The following PYY variants were observed in gnomAD, a reference collection of about 807,000 sequenced individuals.
The protein encoded by PYY is peptide tyrosine tyrosine.
In PYY, 12 loss-of-function variants were observed where a neutral mutation model predicts 10.3. The observed-to-expected ratio is 1.17, with a 90% CI of 0.75 to 1.89. The LOEUF (loss-of-function observed/expected upper bound fraction) is 1.89. Among genes scored for constraint, PYY ranks in the 40% most tolerant of loss-of-function variants. The pLI, the probability that PYY is intolerant of heterozygous loss-of-function variation, is 0.00. For synonymous variants in PYY, 66 were observed against 62.0 expected (o/e 1.06, Z -0.30); for missense variants, 141 against 134.0 (o/e 1.05, Z -0.26).
upstream of PYY, among the ~76,000 whole-genome samples, chr17:43,957,630 C>A (rs2048682921): frequency 6.6e-6 from 1 of 152,198 alleles, no homozygotes; most frequent in African/African-American, 2.4e-5. Flanking sequence ...GCACTCCAGC[C>A]TTGGTGACAG....
At chr17:43,999,871 G>T (rs2049014717) in intron 1 of PYY, among the ~76,000 whole-genome samples, 1 of 152,112 alleles carries the variant, frequency 6.6e-6, no homozygotes, top group Non-Finnish European at 1.5e-5. Context: ...AGACTTCCTG[G>T]AGCAATGCTC....
In PYY at chr17:43,969,804, C is replaced by T. The variant is rs920890977; in HGVS notation, c.-462-3272G>A. Among the ~76,000 whole-genome samples, 136 of 150,716 alleles carry T rather than the reference C, an allele frequency of 9.0e-4. 1 individual carries two copies. The highest frequency in any genetic ancestry group is 3.1e-3 in the African/African-American group (129 of 41,026). The stretch of plus-strand genomic sequence containing the variant: ...TGTCACCCAGACTGGAGTGCAGTGG[C>T]GCCATCTCAGCTCACTGCAACCTCT... On this transcript the variant is annotated intron_variant, in intron 1 of 6. Coordinates refer to the PYY transcript ENST00000360085.
At chr17:43,975,169 CG>C (rs757008674) in intron 1 of PYY, among the ~76,000 whole-genome samples, 2 of 152,144 alleles carry the variant, frequency 1.3e-5, no homozygotes, top group Non-Finnish European at 2.9e-5. Context: ...ATTCCATCAA[CG>C]GGGAAAATCA....
At chr17:43,992,346 C>T (rs1161498762) in intron 1 of PYY, among the ~76,000 whole-genome samples, 2 of 151,792 alleles carry the variant, frequency 1.3e-5, no homozygotes, top group Non-Finnish European at 2.9e-5. Flanking sequence ...TTTGGGAGGC[C>T]GAGGCAGATG....
intron 1 of PYY, among the ~76,000 whole-genome samples, chr17:43,991,568 T>C (rs1009968818): frequency 4.6e-5 from 7 of 152,196 alleles, no homozygotes; most frequent in African/African-American, 1.4e-4. Flanking sequence ...TCCTTTTGCT[T>C]CTCCATGCTT....
chr17:43,989,331 G>GCA (rs2048937462), intron 1 of PYY, among the ~76,000 whole-genome samples: 3 of 149,832 alleles, frequency 2.0e-5, no homozygotes, highest in Non-Finnish European at 4.4e-5. Flanking sequence ...CTGAGATCAT[G>GCA]CCACTGCACT....
chr17:43,988,531 C>T (rs2048929615), intron 1 of PYY, among the ~76,000 whole-genome samples: 1 of 152,154 alleles, frequency 6.6e-6, no homozygotes, highest in Admixed American at 6.5e-5. Context: ...CCACCCTGAG[C>T]ACTCCAGGGC....
At chr17:43,964,502 G>C (rs2048740710) in intron 2 of PYY, among the ~76,000 whole-genome samples, 1 of 152,240 alleles carries the variant, frequency 6.6e-6, no homozygotes, top group Non-Finnish European at 1.5e-5. Flanking sequence ...TGTAACCCCA[G>C]CACTTTGGGA....
At chr17:43,985,256 G>C (rs1014766535) in intron 1 of PYY, among the ~76,000 whole-genome samples, 4 of 152,000 alleles carry the variant, frequency 2.6e-5, no homozygotes, top group African/African-American at 9.7e-5. Context: ...TGTCACCCAA[G>C]CTGAAGTGCA....
rs936765528 is a variant in PYY, at chr17:43,952,809, G to A, written c.*147C>T. On this transcript the variant is annotated 3_prime_UTR_variant, in exon 4 of 4. Coordinates refer to ENST00000692052, the MANE Select transcript of PYY (RefSeq NM_001394028.1). The stretch of plus-strand genomic sequence containing the variant: ...CACAGCCCTCCAGCCCAGGGGGCGG[G>A]GGCACCGAGACGCGGGCGGAGGGCC... 5.7e-5 allele frequency: 47 copies of A among 829,604 alleles called. No homozygotes were observed. In the African/African-American group the frequency reaches 7.0e-4, roughly 12 times the overall value. 51.4% of individuals were successfully genotyped at this position (829,604 alleles called of 1,614,324 possible). A position where few individuals can be genotyped will look rare whatever the true frequency, so the allele number is the denominator to read the frequency against.
rs377747781 is a variant in PYY, at chr17:43,966,658, C to G, written c.-462-126G>C. On this transcript the variant is annotated intron_variant, in intron 1 of 6. Transcript: ENST00000360085. ...CCCCAACACTCCCAATCCTCCTTAT[C>G]TGCCCTGTTTATTCCCCAGCACTTA... The G allele has an allele frequency of 3.3e-5, 5 of 152,252 alleles. No homozygotes were observed. The East Asian group carries it at 9.6e-4, about 29-fold the overall frequency. 9.4% of individuals were successfully genotyped at this position (152,252 alleles called of 1,614,324 possible).
chr17:43,958,300 A>G (rs905045291), upstream of PYY, among the ~76,000 whole-genome samples: 3 of 151,986 alleles, frequency 2.0e-5, no homozygotes, highest in Non-Finnish European at 4.4e-5. Flanking sequence ...TCTTTTTATT[A>G]TTATTGAGCT....
At chr17:44,002,524 G>C (rs919051046) in intron 1 of PYY, among the ~76,000 whole-genome samples, 5 of 152,222 alleles carry the variant, frequency 3.3e-5, no homozygotes, top group African/African-American at 1.2e-4. Flanking sequence ...GGTCTGACTG[G>C]ATCAGAGTGT....
rs189755011 is a variant in PYY at position 43,981,520 on chromosome 17, C to T, written c.-462-14988G>A. On this transcript the variant is annotated intron_variant, in intron 1 of 6. Transcript: ENST00000360085. ...TTGTTTGTTTTTTTTTTGACAGTCT[C>T]ACTCTGTCGCCCAGGCTGGAGTGTA... 4.3e-3 allele frequency among the ~76,000 whole-genome samples: 649 copies of T among 151,898 alleles called. 5 individuals carry two copies. The highest frequency in any genetic ancestry group is 0.015 in the African/African-American group (616 of 41,436).
intron 1 of PYY, among the ~76,000 whole-genome samples, chr17:44,000,075 G>A (rs73306637): frequency 0.012 from 1,886 of 152,162 alleles, 35 homozygotes; most frequent in African/African-American, 0.043. Flanking sequence ...GTGCAGTGGC[G>A]TGGTCATAGC....
At chr17:43,993,100 G>A (rs948996775) in intron 1 of PYY, among the ~76,000 whole-genome samples, 13 of 152,112 alleles carry the variant, frequency 8.5e-5, no homozygotes, top group Admixed American at 6.6e-5. Context: ...GAATGCTTGA[G>A]CCCAGGAATT....
At chr17:43,960,478 G>T (rs1292319289) in intron 2 of PYY, among the ~76,000 whole-genome samples, 5 of 127,704 alleles carry the variant, frequency 3.9e-5, no homozygotes, top group Non-Finnish European at 4.7e-5. Context: ...GGGAGGCGGA[G>T]GTTGCAATGA....
chr17:43,980,598 G>A (rs965521698), intron 1 of PYY, among the ~76,000 whole-genome samples: 1 of 151,238 alleles, frequency 6.6e-6, no homozygotes, highest in African/African-American at 2.4e-5. Flanking sequence ...CTTAGCCTCC[G>A]GAGTAGCTGG....
At chr17:43,972,405 G>A (rs2048800692) in intron 1 of PYY, among the ~76,000 whole-genome samples, 1 of 151,962 alleles carries the variant, frequency 6.6e-6, no homozygotes, top group Admixed American at 6.6e-5. Context: ...AGTAGAGATG[G>A]GATTTCACCA....
Sources: gnomAD v4.1 joint callset for allele counts (sites outside exome capture counted in the v4.1 genomes callset) on GRCh38, gnomAD v4.1.1 for gene constraint, MANE v1.5 for transcripts, NCBI Gene and HGNC (gene_info 2026-07-23, HGNC 2026-07-21) for gene names.